RNF180: variants seen among roughly 807,000 people sequenced by gnomAD.
RNF180 encodes the protein ring finger protein 180, also known as E3 ubiquitin-protein ligase RNF180.
A neutral mutation model predicts 59.2 loss-of-function variants in RNF180; 38 were observed. The observed-to-expected ratio is 0.64, with a 90% CI of 0.50 to 0.84. RNF180 has a LOEUF of 0.84. Ranked by LOEUF, RNF180 falls within the 40% of genes least tolerant of loss-of-function variation. The pLI is 0.00. For synonymous variants in RNF180, 262 were observed against 240.3 expected (o/e 1.09, Z -0.84); for missense variants, 705 against 700.9 (o/e 1.01, Z -0.07).
intron 5 of RNF180, among the ~76,000 whole-genome samples, chr5:64,264,538 T>C (rs957427961): frequency 1.3e-5 from 2 of 152,174 alleles, no homozygotes; most frequent in Non-Finnish European, 2.9e-5. Flanking sequence ...GCTTCATCCA[T>C]GTCCCTGCAA....
rs1035630639 is a variant in RNF180, at chr5:64,272,893, G to A, written c.1228-52293G>A. On this transcript the variant is annotated intron_variant, in intron 5 of 7. Transcript: ENST00000389100. ...GTTCAGTATGGATGTATTGAATTGA[G>A]GTGCCTTTAAGACATCACAATGAAA... Among the ~76,000 whole-genome samples, 105 of 151,892 alleles carry A rather than the reference G, an allele frequency of 6.9e-4. 1 individual carries two copies. The highest frequency in any genetic ancestry group is 6.9e-3 in the Admixed American group (105 of 15,200).
intron 5 of RNF180, among the ~76,000 whole-genome samples, chr5:64,266,227 G>C (rs948031443): frequency 3.0e-4 from 45 of 152,104 alleles, no homozygotes; most frequent in African/African-American, 1.1e-3. Flanking sequence ...TCTTTTGCCT[G>C]ATTGCCCTAG....
Position 64,214,128 on chromosome 5 carries a change from G to C in RNF180, c.802G>C (p.Gly268Arg). ...TGAAACACAGCCTATTGACCTTTCA[G>C]GCTTGCCTTTACAATCTAGTAAAAA... Reference protein sequence around the residue: ...LNETQPIDLSGLPLQSSKNSY... With the variant: ...LNETQPIDLSRLPLQSSKNSY... The change falls in exon 4 of 8, where the codon GGC (glycine) becomes CGC (arginine). Residue 268 changes from glycine (G) to arginine (R), a missense_variant. Physicochemically the swap from Gly to Arg is moderately radical, Grantham distance 125. Transcript: ENST00000389100. The C allele has an allele frequency of 6.2e-7, 1 of 1,614,036 alleles. No individual in the cohort carries two copies. Among genetic ancestry groups the C allele is most frequent in the Non-Finnish European group, 8.5e-7 (1 of 1,179,996 alleles).
intron 1 of RNF180, among the ~76,000 whole-genome samples, chr5:64,194,964 GAA>G (rs1751380325): frequency 6.6e-6 from 1 of 152,096 alleles, no homozygotes; most frequent in Non-Finnish European, 1.5e-5. Context: ...TTCACAAACT[GAA>G]CATGTATATA....
At chr5:64,207,285 T>G (rs1413922146) in intron 2 of RNF180, among the ~76,000 whole-genome samples, 3 of 152,234 alleles carry the variant, frequency 2.0e-5, no homozygotes, top group East Asian at 3.9e-4. Context: ...AGGATATAGA[T>G]AGAATGCTGG....
intron 1 of RNF180, among the ~76,000 whole-genome samples, chr5:64,177,915 G>T (rs1046925280): frequency 2.6e-5 from 4 of 152,014 alleles, no homozygotes; most frequent in African/African-American, 9.7e-5. Context: ...TGTAGAAAAG[G>T]CTGCCTGGGG....
intron 5 of RNF180, among the ~76,000 whole-genome samples, chr5:64,286,754 T>C (rs891252318): frequency 2.2e-4 from 33 of 152,148 alleles, no homozygotes; most frequent in African/African-American, 8.0e-4. Flanking sequence ...TATATGAGAA[T>C]ATGAATATGA....
At chr5:64,189,936 A>G (rs933599734) in intron 1 of RNF180, among the ~76,000 whole-genome samples, 1 of 152,200 alleles carries the variant, frequency 6.6e-6, no homozygotes, top group African/African-American at 2.4e-5. Flanking sequence ...AATATGCCTT[A>G]TCCTTCAACA....
chr5:64,167,729 A>C (rs554353107), intron 1 of RNF180, among the ~76,000 whole-genome samples: 2 of 152,296 alleles, frequency 1.3e-5, no homozygotes, highest in South Asian at 4.1e-4. Flanking sequence ...AAGATTAAAA[A>C]TTTCGCTTAA....
chr5:64,261,311 T>A (rs775747562), intron 5 of RNF180, among the ~76,000 whole-genome samples: 7 of 152,126 alleles, frequency 4.6e-5, no homozygotes, highest in Non-Finnish European at 7.4e-5. Context: ...CAAATTCATG[T>A]CAACCTAACA....
At chr5:64,218,290 T>G (rs1396951754) in intron 5 of RNF180, among the ~76,000 whole-genome samples, 1 of 152,226 alleles carries the variant, frequency 6.6e-6, no homozygotes, top group African/African-American at 2.4e-5. Flanking sequence ...TCATTTAAAA[T>G]TAATTTGTAA....
rs1335671672 is a variant in RNF180 at position 64,330,522 on chromosome 5, A to G, written c.1579+116A>G. 9 of 1,003,184 alleles carry G rather than the reference A, an allele frequency of 9.0e-6. No individual in the cohort carries two copies. In the Admixed American group the frequency reaches 1.2e-4, roughly 13 times the overall value. The allele number at this position is 1,003,184 out of a possible 1,614,324, so 62.1% of individuals were successfully genotyped here. On this transcript the variant is annotated intron_variant, in intron 7 of 7. Transcript: ENST00000389100. The stretch of plus-strand genomic sequence containing the variant: ...GGGAAACATATTTCTGTATTAATCA[A>G]TTTTAAATAAGGATTTTGCTAAGTA...
chr5:64,289,853 A>AT (rs988851466), intron 5 of RNF180, among the ~76,000 whole-genome samples: 10 of 151,408 alleles, frequency 6.6e-5, no homozygotes, highest in African/African-American at 9.7e-5. Flanking sequence ...GGATTTGTTT[A>AT]TTTTTTTTGA....
chr5:64,200,996 C>T, intron 2 of RNF180, 54 bp downstream of exon 2: 1 of 1,451,962 alleles, frequency 6.9e-7, no homozygotes, highest in South Asian at 1.2e-5. Flanking sequence ...TGCTGTGGGC[C>T]TATCCACACA....
At chr5:64,166,581 A>G (rs1204177612) in intron 1 of RNF180, among the ~76,000 whole-genome samples, 2 of 152,240 alleles carry the variant, frequency 1.3e-5, no homozygotes, top group African/African-American at 2.4e-5. Flanking sequence ...TAGTGCTGTT[A>G]TGAACACTAA....
intron 7 of RNF180, among the ~76,000 whole-genome samples, chr5:64,331,774 C>T (rs987504899): frequency 1.3e-5 from 2 of 152,258 alleles, no homozygotes; most frequent in Middle Eastern, 3.4e-3. Flanking sequence ...GCCACATTGA[C>T]GGTGACAAGA....
intron 1 of RNF180, among the ~76,000 whole-genome samples, chr5:64,176,255 T>G (rs1750227429): frequency 6.6e-6 from 1 of 152,172 alleles, no homozygotes; most frequent in African/African-American, 2.4e-5. Context: ...TTTTCCAATT[T>G]ATTGGCATAT....
chr5:64,228,544 C>T (rs1295742423), intron 5 of RNF180, among the ~76,000 whole-genome samples: 2 of 151,896 alleles, frequency 1.3e-5, no homozygotes, highest in African/African-American at 2.4e-5. Flanking sequence ...AATTTGAGAG[C>T]GTTGTTATCT....
chr5:64,254,637 C>A (rs1743816243), intron 5 of RNF180, among the ~76,000 whole-genome samples: 1 of 152,076 alleles, frequency 6.6e-6, no homozygotes, highest in Admixed American at 6.6e-5. Context: ...TAGGGACAGT[C>A]TCTTAAGATT....
Sources: allele counts gnomAD v4.1 joint callset (sites outside exome capture counted in the v4.1 genomes callset), GRCh38; gene constraint gnomAD v4.1.1; transcripts MANE v1.5; gene names NCBI Gene and HGNC (gene_info 2026-07-23, HGNC 2026-07-21).